TMLHE: variants seen among roughly 807,000 people sequenced by gnomAD.
The protein encoded by TMLHE is trimethyllysine dioxygenase, mitochondrial.
A neutral mutation model predicts 25.7 loss-of-function variants in TMLHE; 18 were observed. The observed-to-expected ratio is 0.70, with a 90% CI of 0.48 to 1.04. The LOEUF is 1.04. TMLHE is among the 50% of genes least tolerant of loss of function. The probability of loss-of-function intolerance (pLI) is 0.00; values close to 1 mark genes in which losing one functional copy is unlikely to be tolerated. For synonymous variants in TMLHE, 105 were observed against 97.0 expected (o/e 1.08, Z -0.49); for missense variants, 236 against 259.0 (o/e 0.91, Z 0.61).
At chrX:155,507,283 C>T in intron 5 of TMLHE, 149 bp from the exon 6 acceptor site, 1 of 469,074 alleles carries the variant, frequency 2.1e-6, no homozygotes, top group East Asian at 3.8e-5. Flanking sequence ...GTTTTTCTCT[C>T]ATAGGCAGTT....
intron 3 of TMLHE, among the ~76,000 whole-genome samples, chrX:155,516,807 A>C (rs2067160460): frequency 2.0e-5 from 1 of 49,285 alleles, no homozygotes; most frequent in Non-Finnish European, 4.1e-5. Context: ...TTGGCTGCAT[A>C]AATGTCTTCT....
Position 155,608,701 on chromosome X carries a change from TAAC to T in TMLHE, c.-2+4088_-2+4090del, listed in dbSNP as rs782005351. 4.0e-3 allele frequency among the ~76,000 whole-genome samples: 450 copies of T among 111,761 alleles called. 1 individual carries two copies. Among genetic ancestry groups the T allele is most frequent in the Non-Finnish European group, 6.9e-3 (368 of 53,053 alleles). ...TCTAGAATCTATAAGGCACTTAAAT[TAAC>T]AAGCAAAAACCAAACAACCTCATTA... On this transcript the variant is annotated intron_variant, in intron 1 of 7. Coordinates refer to ENST00000334398, the MANE Select transcript of TMLHE (RefSeq NM_018196.4).
chrX:155,514,410 C>T, intron 3 of TMLHE, 145 bp from the exon 4 acceptor site: 1 of 579,119 alleles, frequency 1.7e-6, no homozygotes. Flanking sequence ...AAATGAATGC[C>T]TAGAATGTTT....
intron 1 of TMLHE, among the ~76,000 whole-genome samples, chrX:155,603,523 C>T (rs1019224908): frequency 1.8e-5 from 2 of 111,427 alleles, no homozygotes; most frequent in African/African-American, 3.3e-5. Flanking sequence ...AATTTAAATA[C>T]ATATTACAAT....
rs10046986 is a variant in TMLHE at position 155,568,731 on chromosome X, G to C, written c.-1-23454C>G. Among the ~76,000 whole-genome samples the C allele has an allele frequency of 7.6e-4, 47 of 61,549 alleles. 4 individuals carry two copies. The highest frequency in any genetic ancestry group is 1.6e-3 in the African/African-American group (45 of 27,630). The allele number at this position is 61,549 out of a possible 115,157, so 53.4% of individuals were successfully genotyped here. On this transcript the variant is annotated intron_variant, in intron 1 of 7. Coordinates refer to ENST00000334398, the MANE Select transcript of TMLHE (RefSeq NM_018196.4). Reference sequence around the variant, plus strand: ...CTGATACCCAGGCAAACAGGGTCTGGAGTGGACCTCTAACAAACTCCAACA... The same window carrying C: ...CTGATACCCAGGCAAACAGGGTCTGCAGTGGACCTCTAACAAACTCCAACA...
chrX:155,511,326 C>A (rs1270203195), intron 5 of TMLHE, among the ~76,000 whole-genome samples: 1 of 110,538 alleles, frequency 9.0e-6, no homozygotes, highest in Non-Finnish European at 1.9e-5. Flanking sequence ...GCTCCCCGCT[C>A]ACCTTCCACC....
chrX:155,511,696 A>G lies in TMLHE; in HGVS notation c.735T>C (p.Thr245=), dbSNP rs782230685. ...TKLALDRHTD[T]TYFQEPCGIQ... ...ACCCACAGGGCTCTTGAAAATAGGT[A>G]GTGTCAGTGTGCCGATCCAGAGCTA... The change falls in exon 5 of 8, where the codon ACT becomes ACC. Residue 245 remains threonine (T), a synonymous_variant. Transcript: ENST00000334398. The G allele has an allele frequency of 5.0e-6, 6 of 1,202,276 alleles. No homozygotes were observed. The highest frequency in any genetic ancestry group is 6.7e-6 in the Non-Finnish European group (6 of 889,302).
At chrX:155,546,854 C>G (rs1297824303) in intron 1 of TMLHE, among the ~76,000 whole-genome samples, 3 of 110,483 alleles carry the variant, frequency 2.7e-5, no homozygotes, top group Non-Finnish European at 5.7e-5. Context: ...AATCTGTGCC[C>G]CACAAACTAA....
intron 1 of TMLHE, among the ~76,000 whole-genome samples, chrX:155,552,516 A>C (rs1569562128): frequency 2.7e-5 from 3 of 109,938 alleles, no homozygotes; most frequent in African/African-American, 1.0e-4. Context: ...ATTATTTACA[A>C]TATCCAATTG....
intron 3 of TMLHE, among the ~76,000 whole-genome samples, chrX:155,523,561 CTTGA>C (rs782111598): frequency 2.7e-5 from 3 of 111,633 alleles, no homozygotes; most frequent in Non-Finnish European, 3.8e-5. Context: ...ACCACATTGT[CTTGA>C]TTACTGCAGT....
At chrX:155,601,285 T>C (rs1557347218) in intron 1 of TMLHE, among the ~76,000 whole-genome samples, 2 of 112,311 alleles carry the variant, frequency 1.8e-5, no homozygotes, top group Admixed American at 9.4e-5. Flanking sequence ...AAGGTAATTA[T>C]GTAAGTAAAC....
chrX:155,512,315 CCCT>C (rs2124335130), intron 4 of TMLHE, among the ~76,000 whole-genome samples: 1 of 101,399 alleles, frequency 9.9e-6, no homozygotes, highest in East Asian at 3.0e-4. Context: ...TATCCCTCCC[CCCT>C]TCCCCCCACC....
At chrX:155,598,067 G>A in intron 1 of TMLHE, among the ~76,000 whole-genome samples, 1 of 111,787 alleles carries the variant, frequency 8.9e-6, no homozygotes. Flanking sequence ...GCAAAAGCAG[G>A]TGGAAGGGTG....
chrX:155,583,510 C>T (rs2067645706), intron 1 of TMLHE, among the ~76,000 whole-genome samples: 1 of 99,171 alleles, frequency 1.0e-5, no homozygotes, highest in Non-Finnish European at 2.0e-5. Context: ...TGGGTGTGGA[C>T]ACAGCCAAAC....
chrX:155,550,881 A>AT (rs1164529032), intron 1 of TMLHE, among the ~76,000 whole-genome samples: 1 of 111,031 alleles, frequency 9.0e-6, no homozygotes, highest in Non-Finnish European at 1.9e-5. Context: ...GGGAAAAGCC[A>AT]TTTTTTTCTT....
At chrX:155,582,241 T>C (rs1483112187) in intron 1 of TMLHE, among the ~76,000 whole-genome samples, 1 of 111,902 alleles carries the variant, frequency 8.9e-6, no homozygotes, top group Non-Finnish European at 1.9e-5. Flanking sequence ...ACCTAGGCAA[T>C]ACCATTCAGG....
At chrX:155,603,027 G>A (rs1260088358) in intron 1 of TMLHE, among the ~76,000 whole-genome samples, 1 of 111,902 alleles carries the variant, frequency 8.9e-6, no homozygotes, top group African/African-American at 3.2e-5. Context: ...CAGTGCAATC[G>A]CTACCAAAAT....
chrX:155,584,210 A>G (rs188002628), intron 1 of TMLHE, among the ~76,000 whole-genome samples: 406 of 110,431 alleles, frequency 3.7e-3, no homozygotes, highest in African/African-American at 0.012. Context: ...CATTGAATAA[A>G]ATATAAAATA....
At chrX:155,549,833 G>A (rs182580650) in intron 1 of TMLHE, among the ~76,000 whole-genome samples, 71 of 109,696 alleles carry the variant, frequency 6.5e-4, no homozygotes, top group Non-Finnish European at 1.0e-3. Context: ...CCATAAACCC[G>A]TCACCTACAC....
Sources: gnomAD v4.1 joint callset for allele counts (sites outside exome capture counted in the v4.1 genomes callset) on GRCh38, gnomAD v4.1.1 for gene constraint, MANE v1.5 for transcripts, NCBI Gene and HGNC (gene_info 2026-07-23, HGNC 2026-07-21) for gene names.